Variants in PTPRN2 observed in about 807,000 individuals in gnomAD.
The protein encoded by PTPRN2 is receptor-type tyrosine-protein phosphatase N2.
PTPRN2 carries 74 observed loss-of-function variants against 118.8 expected under a neutral mutation model. That is an observed-to-expected ratio of 0.62 (90% CI 0.52 to 0.76). The LOEUF (loss-of-function observed/expected upper bound fraction) is 0.76. PTPRN2 is among the 30% of genes least tolerant of loss of function. PTPRN2 has a pLI of 0.00. For missense variants in PTPRN2, 1,481 were observed against 1,394.4 expected, an observed-to-expected ratio of 1.06 and a Z score of -0.99; for synonymous variants, 641 against 608.0, an observed-to-expected ratio of 1.05 and a Z score of -0.80.
At chr7:157,652,285 C>A (rs74952371) in intron 14 of PTPRN2, among the ~76,000 whole-genome samples, 6,488 of 152,290 alleles carry the variant, frequency 0.043, 244 homozygotes, top group South Asian at 0.13. Context: ...GACGCACCTT[C>A]GGCACAGGTG....
At chr7:157,545,908 A>G (rs1301670387) in intron 22 of PTPRN2, among the ~76,000 whole-genome samples, 1 of 152,152 alleles carries the variant, frequency 6.6e-6, no homozygotes, top group East Asian at 1.9e-4. Flanking sequence ...GCAAGCATTC[A>G]GATTGGACAG....
chr7:157,927,081 C>T (rs1799042877), intron 11 of PTPRN2, among the ~76,000 whole-genome samples: 2 of 128,184 alleles, frequency 1.6e-5, no homozygotes, highest in Admixed American at 1.5e-4. Context: ...TTCTGGGACC[C>T]CGAAGACAGG....
chr7:157,837,451 AG>A (rs981792297), intron 12 of PTPRN2, among the ~76,000 whole-genome samples: 14 of 150,790 alleles, frequency 9.3e-5, no homozygotes, highest in Non-Finnish European at 1.5e-5. Flanking sequence ...GAGGTGGTGG[AG>A]GGGGGAGGCT....
At chr7:158,547,663 G>A (rs1826378491) in intron 1 of PTPRN2, among the ~76,000 whole-genome samples, 1 of 152,206 alleles carries the variant, frequency 6.6e-6, no homozygotes, top group African/African-American at 2.4e-5. Context: ...TGGAGCCCTG[G>A]GAGGCACTCC....
intron 1 of PTPRN2, among the ~76,000 whole-genome samples, chr7:158,545,229 G>A (rs1826211481): frequency 6.6e-6 from 1 of 152,208 alleles, no homozygotes; most frequent in African/African-American, 2.4e-5. Context: ...GTCTTCATCT[G>A]AGAAAAGCAC....
chr7:158,213,341 C>A (rs747525787), intron 3 of PTPRN2, among the ~76,000 whole-genome samples: 20 of 151,860 alleles, frequency 1.3e-4, no homozygotes, highest in Non-Finnish European at 2.2e-4. Flanking sequence ...CATGAACACA[C>A]AAATATTTTT....
At chr7:157,789,012 CG>C (rs780990049) in intron 12 of PTPRN2, among the ~76,000 whole-genome samples, 24 of 152,204 alleles carry the variant, frequency 1.6e-4, no homozygotes, top group Non-Finnish European at 3.1e-4. Flanking sequence ...AAGCTGTCAC[CG>C]TAACAGTCAC....
At chr7:158,102,164 C>A (rs1223262969) in intron 10 of PTPRN2, among the ~76,000 whole-genome samples, 1 of 152,202 alleles carries the variant, frequency 6.6e-6, no homozygotes, top group Non-Finnish European at 1.5e-5. Context: ...CAGTGCATGG[C>A]AGCCATCAGC....
At chr7:157,546,567 T>A (rs1798329814) in intron 22 of PTPRN2, among the ~76,000 whole-genome samples, 1 of 152,264 alleles carries the variant, frequency 6.6e-6, no homozygotes, top group Non-Finnish European at 1.5e-5. Flanking sequence ...CTGAGGATGA[T>A]GGCTTCCAGC....
rs576383461 is a variant in PTPRN2 at position 158,205,085 on chromosome 7, A to AAAAC, written c.380+82_380+85dup. The AAAAC allele has an allele frequency of 1.2e-4, 145 of 1,182,508 alleles. No individual in the cohort carries two copies. In the African/African-American group the frequency reaches 1.6e-3, roughly 13 times the overall value. 73.3% of individuals were successfully genotyped at this position (1,182,508 alleles called of 1,614,324 possible). On this transcript the variant is annotated intron_variant, in intron 4 of 22. Transcript: ENST00000389418. ...AAGATGGTGGGTGCTTTGCTACATT[A>AAAAC]AAACAAACAAACAAACAAATAATAA...
At chr7:158,270,780 A>ACCTGGGCCGCCCCCT (rs1563067179) in intron 3 of PTPRN2, among the ~76,000 whole-genome samples, 1 of 67,636 alleles carries the variant, frequency 1.5e-5, no homozygotes, top group African/African-American at 8.3e-5. Context: ...GTCCACCTGG[A>ACCTGGGCCGCCCCCT]CCACCCCTCC....
chr7:158,547,774 CT>C (rs1439812647), intron 1 of PTPRN2, among the ~76,000 whole-genome samples: 1 of 152,244 alleles, frequency 6.6e-6, no homozygotes, highest in Non-Finnish European at 1.5e-5. Context: ...ACCGTACCCC[CT>C]GTCCACCTGG....
intron 2 of PTPRN2, among the ~76,000 whole-genome samples, chr7:158,472,853 T>A (rs60299315): frequency 1.6e-4 from 25 of 152,212 alleles, no homozygotes; most frequent in African/African-American, 5.8e-4. Flanking sequence ...CGTCAGTAAC[T>A]GGGAGGCAGC....
chr7:157,859,710 C>CT (rs1810054399), intron 12 of PTPRN2, among the ~76,000 whole-genome samples: 1 of 64,050 alleles, frequency 1.6e-5, no homozygotes, highest in East Asian at 4.2e-4. Context: ...CAGGGAGAGC[C>CT]CCGTCACCAC....
chr7:157,588,027 C>A (rs539949120), intron 17 of PTPRN2, among the ~76,000 whole-genome samples: 1 of 151,918 alleles, frequency 6.6e-6, no homozygotes, highest in East Asian at 1.9e-4. Context: ...TGTCCCCGTG[C>A]CTGGGCTCCC....
Position 157,850,474 on chromosome 7 carries a change from C to T in PTPRN2, c.1788+48199G>A, listed in dbSNP as rs535164104. The stretch of plus-strand genomic sequence containing the variant: ...CTCGCATAAGGGATCCCAGGTCTCC[C>T]GGGGCCTGGTGTGTGCACCACAGAC... On this transcript the variant is annotated intron_variant, in intron 12 of 22. Transcript: ENST00000389418. Among the ~76,000 whole-genome samples, 5 of 152,232 alleles carry T rather than the reference C, an allele frequency of 3.3e-5. No individual in the cohort carries two copies. The South Asian group carries it at 8.3e-4, about 25-fold the overall frequency.
intron 12 of PTPRN2, among the ~76,000 whole-genome samples, chr7:157,838,555 G>C (rs1427156533): frequency 1.4e-5 from 1 of 70,122 alleles, no homozygotes. Flanking sequence ...CTCCACCGTG[G>C]CTACTCCAGT....
chr7:158,011,382 A>G (rs1806037301), intron 11 of PTPRN2, among the ~76,000 whole-genome samples: 1 of 152,224 alleles, frequency 6.6e-6, no homozygotes, highest in Non-Finnish European at 1.5e-5. Context: ...ACAAATACCA[A>G]TGGCCTGAAT....
At chr7:158,206,875 G>A (rs186284701) in intron 3 of PTPRN2, among the ~76,000 whole-genome samples, 8,646 of 148,430 alleles carry the variant, frequency 0.058, 324 homozygotes, top group South Asian at 0.13. Context: ...AGTTACATAC[G>A]TATACATGTG....
Sources: gnomAD v4.1 joint callset for allele counts (sites outside exome capture counted in the v4.1 genomes callset) on GRCh38, gnomAD v4.1.1 for gene constraint, MANE v1.5 for transcripts, NCBI Gene and HGNC (gene_info 2026-07-23, HGNC 2026-07-21) for gene names.